NYAP2: variants seen among roughly 807,000 people sequenced by gnomAD.
The protein encoded by NYAP2 is neuronal tyrosine-phosphorylated phosphoinositide-3-kinase adapter 2.
Under a neutral mutation model 50.4 loss-of-function variants are expected in NYAP2, and 23 were observed. That is an observed-to-expected ratio of 0.46 (90% CI 0.33 to 0.65). NYAP2 has a LOEUF of 0.65. NYAP2 is among the 30% of genes least tolerant of loss of function. NYAP2 has a pLI of 0.02. For synonymous variants in NYAP2, 394 were observed against 365.2 expected (o/e 1.08, Z -0.90); for missense variants, 885 against 861.0 (o/e 1.03, Z -0.35).
intron 4 of NYAP2, among the ~76,000 whole-genome samples, chr2:225,526,950 T>C (rs1035803577): frequency 2.0e-5 from 3 of 152,302 alleles, no homozygotes; most frequent in African/African-American, 7.2e-5. Flanking sequence ...AACCAGGCAC[T>C]GCTCAGATGG....
chr2:225,597,145 TAAG>T (rs919644855), intron 5 of NYAP2, among the ~76,000 whole-genome samples: 3 of 152,012 alleles, frequency 2.0e-5, no homozygotes, highest in Non-Finnish European at 4.4e-5. Context: ...CTGTTCTTTG[TAAG>T]AAGAATTATT....
At chr2:225,633,462 C>A (rs1020413991) in intron 6 of NYAP2, among the ~76,000 whole-genome samples, 1 of 152,204 alleles carries the variant, frequency 6.6e-6, no homozygotes, top group African/African-American at 2.4e-5. Context: ...AGGAAAGATG[C>A]CTTCCTTCAT....
chr2:225,664,247 A>G, the NYAP2 span, among the ~76,000 whole-genome samples: 1 of 152,218 alleles, frequency 6.6e-6, no homozygotes, highest in African/African-American at 2.4e-5. Flanking sequence ...CAACCATGGA[A>G]TGCTTTTTGC....
intron 3 of NYAP2, among the ~76,000 whole-genome samples, chr2:225,420,072 G>A (rs548194778): frequency 3.0e-4 from 45 of 152,286 alleles, no homozygotes; most frequent in African/African-American, 9.1e-4. Context: ...TTCCAAGAGC[G>A]GAGAAGCTGT....
intron 3 of NYAP2, among the ~76,000 whole-genome samples, chr2:225,435,928 G>C (rs1689368001): frequency 6.6e-6 from 1 of 152,152 alleles, no homozygotes; most frequent in African/African-American, 2.4e-5. Context: ...TTGTAAACGA[G>C]ATATACTATC....
At chr2:225,553,766 A>G (rs1691722625) in intron 4 of NYAP2, among the ~76,000 whole-genome samples, 1 of 152,140 alleles carries the variant, frequency 6.6e-6, no homozygotes, top group Non-Finnish European at 1.5e-5. Context: ...GTCTGGGTGC[A>G]TGGCTCACAC....
intron 3 of NYAP2, among the ~76,000 whole-genome samples, chr2:225,411,271 G>T (rs1464508222): frequency 6.6e-6 from 1 of 152,114 alleles, no homozygotes; most frequent in East Asian, 1.9e-4. Context: ...TTGAGCAAGA[G>T]AAAAGAATTA....
intron 4 of NYAP2, among the ~76,000 whole-genome samples, chr2:225,573,968 T>C (rs972680303): frequency 7.9e-5 from 12 of 152,168 alleles, no homozygotes; most frequent in Non-Finnish European, 1.2e-4. Flanking sequence ...AGGGAAGGTG[T>C]TGAGGGTGGC....
At chr2:225,700,187 T>A in the NYAP2 span, 1 of 151,872 alleles carries the variant, frequency 6.6e-6, no homozygotes, top group Non-Finnish European at 1.5e-5. Context: ...TGTTATAACA[T>A]GATTTTCTAA....
chr2:225,609,986 C>A (rs577595719), intron 5 of NYAP2, among the ~76,000 whole-genome samples: 7 of 152,190 alleles, frequency 4.6e-5, no homozygotes, highest in African/African-American at 1.7e-4. Context: ...AGTCATATAA[C>A]CTCATTGTGC....
intron 5 of NYAP2, among the ~76,000 whole-genome samples, chr2:225,612,741 G>A (rs549455218): frequency 2.5e-4 from 21 of 84,300 alleles, no homozygotes; most frequent in Admixed American, 1.6e-3. Context: ...CGTCATGGAG[G>A]CCCCCCCCTT....
At chr2:225,412,787 C>G (rs1695069211) in intron 3 of NYAP2, among the ~76,000 whole-genome samples, 1 of 152,076 alleles carries the variant, frequency 6.6e-6, no homozygotes, top group Non-Finnish European at 1.5e-5. Context: ...AAATAGCGGG[C>G]TAGGAAAGTA....
At chr2:225,688,776 T>C in the NYAP2 span, among the ~76,000 whole-genome samples, 2 of 152,342 alleles carry the variant, frequency 1.3e-5, no homozygotes, top group African/African-American at 4.8e-5. Flanking sequence ...GGAGTCTTGC[T>C]CTGACACCCA....
At chr2:225,612,461 G>T (rs947007602) in intron 5 of NYAP2, among the ~76,000 whole-genome samples, 1 of 151,968 alleles carries the variant, frequency 6.6e-6, no homozygotes, top group Non-Finnish European at 1.5e-5. Flanking sequence ...TTACACAACC[G>T]TTGAGACCCT....
At chr2:225,570,757 T>C (rs563771241) in intron 4 of NYAP2, among the ~76,000 whole-genome samples, 1 of 152,300 alleles carries the variant, frequency 6.6e-6, no homozygotes, top group Admixed American at 6.5e-5. Context: ...CCAAATCTCA[T>C]GTCCTCACAT....
chr2:225,529,641 T>A (rs1003180190), intron 4 of NYAP2, among the ~76,000 whole-genome samples: 4 of 152,124 alleles, frequency 2.6e-5, no homozygotes, highest in Admixed American at 1.3e-4. Context: ...TATATTTATA[T>A]AAGCATGTTC....
intron 4 of NYAP2, among the ~76,000 whole-genome samples, chr2:225,518,178 T>C (rs965710007): frequency 6.6e-6 from 1 of 151,776 alleles, no homozygotes; most frequent in African/African-American, 2.4e-5. Context: ...TATTCAGTCA[T>C]AAAAAGGAAT....
chr2:225,702,086 A>G, the NYAP2 span: 2 of 151,772 alleles, frequency 1.3e-5, no homozygotes, highest in East Asian at 3.9e-4. Context: ...TGAAATTAAG[A>G]AACAATTCCT....
intron 5 of NYAP2, among the ~76,000 whole-genome samples, chr2:225,621,036 C>T (rs565482353): frequency 1.3e-5 from 2 of 150,948 alleles, no homozygotes; most frequent in East Asian, 3.9e-4. Flanking sequence ...ATGGCATGAA[C>T]CCGGGAGGCG....
Sources: allele counts gnomAD v4.1 joint callset (sites outside exome capture counted in the v4.1 genomes callset), GRCh38; gene constraint gnomAD v4.1.1; transcripts MANE v1.5; gene names NCBI Gene and HGNC (gene_info 2026-07-23, HGNC 2026-07-21).